Variants in GRIP2 observed in about 807,000 individuals in gnomAD.
GRIP2 encodes the protein glutamate receptor-interacting protein 2.
GRIP2 carries 58 observed loss-of-function variants against 108.3 expected under a neutral mutation model. That is an observed-to-expected ratio of 0.54 (90% CI 0.43 to 0.67). The LOEUF is 0.67. Ranked by LOEUF, GRIP2 falls within the 30% of genes least tolerant of loss-of-function variation. The probability of loss-of-function intolerance (pLI) is 0.00; values close to 1 mark genes in which losing one functional copy is unlikely to be tolerated. For missense variants in GRIP2, 1,278 were observed against 1,430.6 expected, an observed-to-expected ratio of 0.89 and a Z score of 1.72; for synonymous variants, 586 against 598.2, an observed-to-expected ratio of 0.98 and a Z score of 0.30.
chr3:14,579,376 G>C, the GRIP2 span, among the ~76,000 whole-genome samples: 2 of 152,204 alleles, frequency 1.3e-5, no homozygotes, highest in African/African-American at 2.4e-5. Context: ...CACTAAAAAT[G>C]AGTGTGTTTT....
chr3:14,542,657 G>A (rs867149953), upstream of GRIP2, among the ~76,000 whole-genome samples: 4 of 152,162 alleles, frequency 2.6e-5, no homozygotes, highest in Admixed American at 1.3e-4. Flanking sequence ...AGCTTCTGTG[G>A]CGTTTCTCTG....
chr3:14,541,711 G>A (rs537823819), upstream of GRIP2, among the ~76,000 whole-genome samples: 17 of 152,312 alleles, frequency 1.1e-4, no homozygotes, highest in East Asian at 2.9e-3. Context: ...ATCTGTTTCT[G>A]GGGGAAGGGT....
intron 1 of GRIP2, among the ~76,000 whole-genome samples, chr3:14,539,902 G>C (rs1376438408): frequency 1.3e-5 from 2 of 152,156 alleles, no homozygotes; most frequent in African/African-American, 2.4e-5. Context: ...CTCTGGGTCG[G>C]ACACTCACTC....
chr3:14,496,743 C>T (rs529361871), intron 21 of GRIP2, among the ~76,000 whole-genome samples, 183 bp from the exon 22 acceptor site: 2 of 152,336 alleles, frequency 1.3e-5, no homozygotes, highest in Non-Finnish European at 2.9e-5. Flanking sequence ...ACCAATCACA[C>T]TAACAATGAG....
chr3:14,497,190 C>A (rs1010233149), intron 21 of GRIP2, among the ~76,000 whole-genome samples: 1 of 152,154 alleles, frequency 6.6e-6, no homozygotes, highest in Non-Finnish European at 1.5e-5. Flanking sequence ...TGGTTTCGAA[C>A]TCCTGACCTC....
chr3:14,499,789 A>G (rs1307907019), intron 21 of GRIP2, among the ~76,000 whole-genome samples: 1 of 152,158 alleles, frequency 6.6e-6, no homozygotes, highest in Non-Finnish European at 1.5e-5. Context: ...AAGTCTGTTT[A>G]CAGGGGTGTC....
the GRIP2 span, among the ~76,000 whole-genome samples, chr3:14,596,924 G>A: frequency 1.3e-5 from 2 of 152,098 alleles, no homozygotes; most frequent in African/African-American, 2.4e-5. Context: ...AAATTTTTTT[G>A]TAGAAACAAG....
chr3:14,511,110 C>T lies in GRIP2; in HGVS notation c.1933+55G>A, dbSNP rs367868431. 55 of 1,593,866 alleles carry T rather than the reference C, an allele frequency of 3.5e-5. 1 individual carries two copies. The highest frequency in any genetic ancestry group is 1.8e-4 in the East Asian group (8 of 44,464). ...GGAGCCCTGAATTGCAAGCTGGGAA[C>T]CCGCTAGTCAAAGGGTGGGCCTCTG... is the stretch of plus-strand genomic sequence containing the variant. On this transcript the variant is annotated intron_variant, in intron 16 of 23. Coordinates refer to ENST00000621039, the MANE Select transcript of GRIP2 (RefSeq NM_001080423.4). This position sits in a 1 kb window ranked among gnomAD's most constrained non-coding sequence, Gnocchi z 4.1.
At position 14,493,500 on chromosome 3, in the gene GRIP2, C is replaced by T. The variant is rs567019189; in HGVS notation, c.*165G>A. ...GGCAGGACCTCCCTGCCTGGCACCC[C>T]AGTCACCACAGACCTGGGGAACAGA... is the stretch of plus-strand genomic sequence containing the variant. On this transcript the variant is annotated 3_prime_UTR_variant, in exon 24 of 24. Coordinates refer to ENST00000621039, the MANE Select transcript of GRIP2 (RefSeq NM_001080423.4). 167 of 844,220 alleles carry T rather than the reference C, an allele frequency of 2.0e-4. 1 individual carries two copies. In the African/African-American group the frequency reaches 2.5e-3, roughly 13 times the overall value. 52.3% of individuals were successfully genotyped at this position (844,220 alleles called of 1,614,324 possible).
chr3:14,585,847 G>T, the GRIP2 span, among the ~76,000 whole-genome samples: 1 of 152,168 alleles, frequency 6.6e-6, no homozygotes, highest in Non-Finnish European at 1.5e-5. Context: ...TCAGCCTAAA[G>T]ATGACAGAGT....
In GRIP2 at chr3:14,512,978, TC is replaced by T; in HGVS notation, c.1640-122del. 1.3e-6 allele frequency: 1 copy of T among 774,970 alleles called. No homozygotes were observed. Among genetic ancestry groups the T allele is most frequent in the Non-Finnish European group, 2.2e-6 (1 of 454,688 alleles). The allele number at this position is 774,970 out of a possible 1,614,324, so 48.0% of individuals were successfully genotyped here. A position where few individuals can be genotyped will look rare whatever the true frequency, so the allele number is the denominator to read the frequency against. On this transcript the variant is annotated intron_variant, in intron 13 of 23. Transcript: ENST00000621039. The surrounding 1 kb of genome is among the most constrained non-coding windows in gnomAD (Gnocchi z 5.1). ...CCCGAAAGTCACAGTTCTAATCTCA[TC>T]CCCCTGCTTCCTCTCAACAGAGGAG...
chr3:14,599,681 C>CTGTGTGTGTGTGTGTG, the GRIP2 span, among the ~76,000 whole-genome samples: 115 of 130,554 alleles, frequency 8.8e-4, 1 homozygote, highest in African/African-American at 3.4e-3. Context: ...CTCTCTCTCT[C>CTGTGTGTGTGTGTGTG]TCTCTGTGTG....
chr3:14,575,497 C>G, the GRIP2 span, among the ~76,000 whole-genome samples: 1 of 152,226 alleles, frequency 6.6e-6, no homozygotes, highest in Admixed American at 6.5e-5. Context: ...GCCCAGCAAG[C>G]CCCCAGCATA....
At chr3:14,585,673 GC>G in the GRIP2 span, among the ~76,000 whole-genome samples, 1 of 152,190 alleles carries the variant, frequency 6.6e-6, no homozygotes, top group African/African-American at 2.4e-5. Context: ...ACAAACCTCA[GC>G]CCCCCAGCTT....
chr3:14,551,415 T>G (rs1695146755), intron 1 of GRIP2, among the ~76,000 whole-genome samples: 1 of 152,162 alleles, frequency 6.6e-6, no homozygotes, highest in Admixed American at 6.5e-5. Context: ...CTGCTCTGCC[T>G]GGCTCAGACC....
chr3:14,543,294 G>T (rs1343326620), upstream of GRIP2, among the ~76,000 whole-genome samples: 2 of 152,222 alleles, frequency 1.3e-5, no homozygotes, highest in Non-Finnish European at 2.9e-5. Flanking sequence ...CAAATCAAAA[G>T]CTGCATGTTA....
upstream of GRIP2, among the ~76,000 whole-genome samples, chr3:14,546,219 G>A (rs1233153550): frequency 6.6e-6 from 1 of 152,160 alleles, no homozygotes; most frequent in Admixed American, 6.5e-5. Context: ...TTCCAGGTAG[G>A]CCGACCAAGC....
chr3:14,520,373 C>T lies in GRIP2; in HGVS notation c.860+17G>A. ...TGCACACACCTCCATGGTGGCAGCA[C>T]CCAGGGTGTGCCTTACCTGTCCACC... is the stretch of plus-strand genomic sequence containing the variant. On this transcript the variant is annotated intron_variant, in intron 8 of 23. Transcript: ENST00000621039. 6.2e-7 allele frequency: 1 copy of T among 1,610,678 alleles called. No homozygotes were observed. Among genetic ancestry groups the T allele is most frequent in the South Asian group, 1.1e-5 (1 of 90,270 alleles).
At chr3:14,579,705 C>CT in the GRIP2 span, among the ~76,000 whole-genome samples, 1 of 81,598 alleles carries the variant, frequency 1.2e-5, no homozygotes, top group East Asian at 2.9e-4. Context: ...AAAAGGCTTC[C>CT]TCCCCAAGCC....
Sources: allele counts gnomAD v4.1 joint callset (sites outside exome capture counted in the v4.1 genomes callset), GRCh38; gene constraint gnomAD v4.1.1; non-coding constraint Gnocchi (gnomAD v3.1); transcripts MANE v1.5; gene names NCBI Gene and HGNC (gene_info 2026-07-23, HGNC 2026-07-21).